The following GLT1D1 variants were observed in gnomAD, a reference collection of about 807,000 sequenced individuals.
GLT1D1 encodes glycosyltransferase 1 domain-containing protein 1.
GLT1D1 carries 21 observed loss-of-function variants against 28.7 expected under a neutral mutation model. The ratio of observed to expected loss-of-function variants is 0.73; its 90% CI spans 0.52 to 1.05. GLT1D1 has a LOEUF of 1.05. Ranked by LOEUF, GLT1D1 falls within the 50% of genes least tolerant of loss-of-function variation. The pLI, the probability that GLT1D1 is intolerant of heterozygous loss-of-function variation, is 0.00. For missense variants in GLT1D1, 343 were observed against 330.6 expected, an observed-to-expected ratio of 1.04 and a Z score of -0.29; for synonymous variants, 147 against 124.8, an observed-to-expected ratio of 1.18 and a Z score of -1.19.
intron 1 of GLT1D1, among the ~76,000 whole-genome samples, chr12:128,871,103 C>G (rs1956675226): frequency 6.6e-6 from 1 of 152,180 alleles, no homozygotes; most frequent in Admixed American, 6.6e-5. Flanking sequence ...TCATGAGTCC[C>G]TCAGGAATGG....
At chr12:128,940,677 C>T (rs750140852) in intron 4 of GLT1D1, among the ~76,000 whole-genome samples, 14 of 152,260 alleles carry the variant, frequency 9.2e-5, no homozygotes, top group African/African-American at 2.4e-4. Flanking sequence ...TGCAACAGGA[C>T]GGAAATAGTC....
chr12:128,958,828 ATCTTTTTT>A (rs1203058843), intron 7 of GLT1D1, among the ~76,000 whole-genome samples: 15 of 84,788 alleles, frequency 1.8e-4, no homozygotes, highest in Admixed American at 9.3e-4. Flanking sequence ...GTAAATAAAA[ATCTTTTTT>A]TTTTTTTTTT....
intron 1 of GLT1D1, chr12:128,864,067 G>A (rs1046187023): frequency 6.1e-5 from 35 of 573,950 alleles, no homozygotes; most frequent in African/African-American, 9.4e-5. Flanking sequence ...GGCTTGTGCC[G>A]CTGTGTGCAC....
intron 6 of GLT1D1, among the ~76,000 whole-genome samples, chr12:128,952,490 G>GA (rs1417140098): frequency 7.3e-6 from 1 of 137,580 alleles, no homozygotes; most frequent in East Asian, 2.3e-4. Context: ...TTTTTGAGAT[G>GA]AAGTTTCGCT....
chr12:128,933,591 T>C (rs1874188304), intron 4 of GLT1D1, among the ~76,000 whole-genome samples: 1 of 152,184 alleles, frequency 6.6e-6, no homozygotes, highest in Admixed American at 6.5e-5. Context: ...GGTCTGTGTG[T>C]GGGTCCGTGG....
chr12:128,900,450 G>A (rs1870123843), intron 4 of GLT1D1, among the ~76,000 whole-genome samples: 1 of 152,176 alleles, frequency 6.6e-6, no homozygotes, highest in East Asian at 1.9e-4. Context: ...GAAAGCTCGG[G>A]ATGCTAGACA....
chr12:128,947,520 A>G (rs985845728), intron 6 of GLT1D1, 62 bp downstream of exon 10: 14 of 1,579,526 alleles, frequency 8.9e-6, no homozygotes, highest in Non-Finnish European at 1.0e-5. Context: ...TCCTTCTCCT[A>G]TTTACGGAGG....
intron 3 of GLT1D1, among the ~76,000 whole-genome samples, chr12:128,897,201 C>T (rs574159276): frequency 7.9e-5 from 12 of 152,252 alleles, no homozygotes; most frequent in South Asian, 6.2e-4. Context: ...TTTGCTCTCA[C>T]GTGAACATCC....
At chr12:128,879,926 A>G (rs1452030766) in intron 2 of GLT1D1, among the ~76,000 whole-genome samples, 3 of 152,192 alleles carry the variant, frequency 2.0e-5, no homozygotes, top group Non-Finnish European at 4.4e-5. Context: ...AATGCACCAT[A>G]CTTATTAAAA....
chr12:128,937,881 T>A (rs1212903531), intron 4 of GLT1D1, among the ~76,000 whole-genome samples: 2 of 152,140 alleles, frequency 1.3e-5, no homozygotes, highest in Non-Finnish European at 2.9e-5. Flanking sequence ...GAGCTGTGAG[T>A]CAAGTAAACC....
At chr12:128,882,274 ATT>A (rs533208189) in intron 2 of GLT1D1, among the ~76,000 whole-genome samples, 1,491 of 133,494 alleles carry the variant, frequency 0.011, 20 homozygotes, top group African/African-American at 0.036. Context: ...GTATAACGCA[ATT>A]TTTTTTTTTT....
intron 1 of GLT1D1, among the ~76,000 whole-genome samples, chr12:128,864,875 C>A (rs1956477265): frequency 6.6e-6 from 1 of 152,054 alleles, no homozygotes; most frequent in South Asian, 2.1e-4. Context: ...TGGTGGGGGG[C>A]ACTTGACGGT....
intron 2 of GLT1D1, among the ~76,000 whole-genome samples, chr12:128,886,687 G>A (rs945715324): frequency 2.6e-5 from 4 of 151,824 alleles, no homozygotes; most frequent in South Asian, 2.1e-4. Flanking sequence ...CACTTGTAAC[G>A]ACCCCTGTGG....
intron 4 of GLT1D1, among the ~76,000 whole-genome samples, 151 bp from the exon 7 acceptor site, chr12:128,926,193 CAATAATAATAATAAT>C (rs34967915): frequency 1.4e-4 from 19 of 132,938 alleles, no homozygotes; most frequent in South Asian, 1.0e-3. Flanking sequence ...GACTCTGTCT[CAATAATAATAATAAT>C]AATAATAATA....
intron 4 of GLT1D1, chr12:128,945,042 T>C (rs1875854841): frequency 4.7e-6 from 3 of 637,878 alleles, no homozygotes; most frequent in Non-Finnish European, 8.5e-6. Flanking sequence ...TGAGAACATG[T>C]AACAGGCCAA....
At chr12:128,908,936 G>C (rs981849028) in intron 4 of GLT1D1, among the ~76,000 whole-genome samples, 3 of 151,878 alleles carry the variant, frequency 2.0e-5, no homozygotes, top group Non-Finnish European at 2.9e-5. Context: ...GCGACAGAGC[G>C]AGACTCCGTC....
At chr12:128,911,788 T>C (rs1028813064) in intron 4 of GLT1D1, among the ~76,000 whole-genome samples, 6 of 152,198 alleles carry the variant, frequency 3.9e-5, no homozygotes, top group African/African-American at 1.4e-4. Flanking sequence ...GAATAGTAAG[T>C]TGATATCTTG....
intron 1 of GLT1D1, among the ~76,000 whole-genome samples, chr12:128,867,303 A>G (rs993930758): frequency 1.3e-5 from 2 of 149,294 alleles, no homozygotes; most frequent in East Asian, 4.2e-4. Flanking sequence ...AGGCTGACAC[A>G]GGAGAAATGC....
intron 6 of GLT1D1, among the ~76,000 whole-genome samples, chr12:128,951,843 T>C (rs2135503075): frequency 6.6e-6 from 1 of 152,362 alleles, no homozygotes; most frequent in Non-Finnish European, 1.5e-5. Flanking sequence ...TTTCTGTAAA[T>C]GTGAAACCCT....
Sources: gnomAD v4.1 joint callset for allele counts (sites outside exome capture counted in the v4.1 genomes callset) on GRCh38, gnomAD v4.1.1 for gene constraint, MANE v1.5 for transcripts, NCBI Gene and HGNC (gene_info 2026-07-23, HGNC 2026-07-21) for gene names.